MARCHF7: variants seen among roughly 807,000 people sequenced by gnomAD.
MARCHF7 encodes the protein membrane associated ring-CH-type finger 7, also known as E3 ubiquitin-protein ligase MARCHF7.
Under a neutral mutation model 76.5 loss-of-function variants are expected in MARCHF7, and 20 were observed. The ratio of observed to expected loss-of-function variants is 0.26; its 90% CI spans 0.18 to 0.38. MARCHF7 has a LOEUF of 0.38. Among genes scored for constraint, MARCHF7 ranks in the 10% least tolerant of loss-of-function variants. MARCHF7 has a pLI of 1.00. For missense variants in MARCHF7, 797 were observed against 812.9 expected, an observed-to-expected ratio of 0.98 and a Z score of 0.24; for synonymous variants, 295 against 293.0, an observed-to-expected ratio of 1.01 and a Z score of -0.07.
intron 3 of MARCHF7, among the ~76,000 whole-genome samples, chr2:159,724,481 T>C (rs1178448778): frequency 1.3e-5 from 2 of 152,248 alleles, no homozygotes; most frequent in Non-Finnish European, 2.9e-5. Context: ...AGTCAAATTA[T>C]AACTCTCTAG....
In MARCHF7 at chr2:159,767,474, C is replaced by T. The variant is rs1707938053; in HGVS notation, c.*132C>T. The T allele has an allele frequency of 1.7e-6, 1 of 580,592 alleles. No individual in the cohort carries two copies. The highest frequency in any genetic ancestry group is 2.3e-5 in the South Asian group (1 of 43,584). The allele number at this position is 580,592 out of a possible 1,614,324, so 36.0% of individuals were successfully genotyped here. On this transcript the variant is annotated 3_prime_UTR_variant, in exon 12 of 12. Coordinates refer to ENST00000409175, the MANE Select transcript of MARCHF7 (RefSeq NM_001282805.2). ...TATATAAAATGAATATATACATACA[C>T]ATGTATGCCTGTATATATATATTCA...
chr2:159,722,833 A>G (rs796760201), intron 3 of MARCHF7, among the ~76,000 whole-genome samples: 18 of 152,344 alleles, frequency 1.2e-4, no homozygotes, highest in African/African-American at 4.3e-4. Context: ...AGTTCCATAC[A>G]ATATCAAATT....
intron 4 of MARCHF7, chr2:159,733,586 TCA>T: frequency 1.0e-6 from 1 of 983,620 alleles, no homozygotes; most frequent in Non-Finnish European, 1.2e-6. Context: ...GCTTTTTAAC[TCA>T]CAACTCTTGG....
intron 6 of MARCHF7, among the ~76,000 whole-genome samples, chr2:159,747,122 T>A (rs1167847973): frequency 6.6e-6 from 1 of 152,208 alleles, no homozygotes. Flanking sequence ...ATTTGAAGAT[T>A]TAAACCACCA....
At position 159,748,282 on chromosome 2, in the gene MARCHF7, C is replaced by T. The variant is rs755175116; in HGVS notation, c.992C>T (p.Pro331Leu). The T allele has an allele frequency of 3.7e-6, 6 of 1,613,218 alleles. No homozygotes were observed. In the Admixed American group the frequency reaches 8.3e-5, roughly 22 times the overall value. ...LTASQSRSNV[P>L]SASEVPDNRA... ...GCTTCACAGTCCCGTAGTAATGTAC[C>T]ATCAGCTTCTGAAGTTCCCGATAAT... Residue 331 changes from proline to leucine, a missense_variant, in exon 7 of 12, where the codon CCA becomes CTA. Physicochemically the swap from Pro to Leu is moderately conservative, Grantham distance 98. Transcript: ENST00000409175.
chr2:159,746,842 T>C (rs1704957388), intron 6 of MARCHF7, among the ~76,000 whole-genome samples: 2 of 152,226 alleles, frequency 1.3e-5, no homozygotes, highest in Non-Finnish European at 2.9e-5. Flanking sequence ...TTTTAAAGGT[T>C]TAGGTTATTT....
intron 8 of MARCHF7, among the ~76,000 whole-genome samples, 196 bp from the exon 9 acceptor site, chr2:159,759,030 G>A (rs954254886): frequency 2.0e-5 from 3 of 152,128 alleles, no homozygotes; most frequent in African/African-American, 7.2e-5. Flanking sequence ...TCATAGGGCA[G>A]GACCTGATGT....
chr2:159,733,104 T>G (rs1703019867), intron 4 of MARCHF7: 1 of 656,212 alleles, frequency 1.5e-6, no homozygotes, highest in Non-Finnish European at 1.9e-6. Flanking sequence ...GTTACCATTA[T>G]TATTTCCTGG....
At chr2:159,765,409 A>T (rs1454251892) in intron 11 of MARCHF7, among the ~76,000 whole-genome samples, 2 of 152,092 alleles carry the variant, frequency 1.3e-5, no homozygotes, top group African/African-American at 4.8e-5. Context: ...TGTGCTTCAT[A>T]CCATGTGGGC....
intron 10 of MARCHF7, 93 bp from the exon 11 acceptor site, chr2:159,764,533 T>C: frequency 1.0e-6 from 1 of 979,836 alleles, no homozygotes; most frequent in Non-Finnish European, 1.5e-6. Context: ...GATGTTTGAC[T>C]TTTTAAGTAG....
intron 3 of MARCHF7, 100 bp downstream of exon 3, chr2:159,715,866 C>G (rs937683122): frequency 1.3e-5 from 2 of 152,178 alleles, no homozygotes; most frequent in African/African-American, 4.8e-5. Flanking sequence ...AAGTAGTTAT[C>G]TTTCCATTAT....
In MARCHF7 at chr2:159,768,086, G is replaced by A. The variant is rs960055493; in HGVS notation, c.*744G>A. 1.3e-5 allele frequency: 2 copies of A among 152,450 alleles called. No homozygotes were observed. The highest frequency in any genetic ancestry group is 2.4e-5 in the African/African-American group (1 of 41,414). The allele number at this position is 152,450 out of a possible 1,614,324, so 9.4% of individuals were successfully genotyped here. ...ATTATATGAGACTTGCCAGTCAAAT[G>A]CTATTTGGTTTAAAAAAATTATTGC... On this transcript the variant is annotated 3_prime_UTR_variant, in exon 12 of 12. Transcript: ENST00000409175.
At chr2:159,766,359 AGTGTT>A (rs2125764123) in intron 11 of MARCHF7, among the ~76,000 whole-genome samples, 1 of 152,288 alleles carries the variant, frequency 6.6e-6, no homozygotes, top group East Asian at 1.9e-4. Flanking sequence ...TAAATCTATT[AGTGTT>A]GCATAGTTTT....
chr2:159,724,798 C>G (rs940237049), intron 3 of MARCHF7, among the ~76,000 whole-genome samples: 1 of 152,118 alleles, frequency 6.6e-6, no homozygotes, highest in African/African-American at 2.4e-5. Context: ...TCGTCATTTG[C>G]AATAGATATT....
In MARCHF7 at chr2:159,762,956, T is replaced by C. The variant is rs1707293206; in HGVS notation, c.1970T>C (p.Met657Thr). ...TTGTGCGAACAAAGCTTTTCTGATA[T>C]GATGGGAAATACAAATGAACCAAGC... Reference protein sequence around the residue: ...LHLCEQSFSDMMGNTNEPSTR... With the variant: ...LHLCEQSFSDTMGNTNEPSTR... The change falls in exon 10 of 12, where the codon ATG becomes ACG. Residue 657 changes from methionine to threonine, a missense_variant. Physicochemically the swap from Met to Thr is moderately conservative, Grantham distance 81. This residue lies in a region of MARCHF7 where 124 missense variants were observed against 121.3 expected (regional missense o/e 1.02). Coordinates refer to ENST00000409175, the MANE Select transcript of MARCHF7 (RefSeq NM_001282805.2). 3 of 1,612,916 alleles carry C rather than the reference T, an allele frequency of 1.9e-6. No homozygotes were observed. The highest frequency in any genetic ancestry group is 1.7e-6 in the Non-Finnish European group (2 of 1,179,602).
At position 159,767,355 on chromosome 2, in the gene MARCHF7, CAGAT is replaced by C. The variant is rs751642778; in HGVS notation, c.*14_*17del. 2.2e-5 allele frequency: 35 copies of C among 1,589,646 alleles called. No individual in the cohort carries two copies. Among genetic ancestry groups the C allele is most frequent in the Admixed American group, 8.4e-5 (5 of 59,570 alleles). On this transcript the variant is annotated 3_prime_UTR_variant, in exon 12 of 12. Transcript: ENST00000409175. ...TGATATTGCCTAACTTCATATAAGACAGATGGATGATCTGTGAACATAAGTGTTT... is the reference window on the plus strand; with the variant it reads ...TGATATTGCCTAACTTCATATAAGACGGATGATCTGTGAACATAAGTGTTT...
intron 3 of MARCHF7, among the ~76,000 whole-genome samples, chr2:159,727,762 A>C (rs7563417): frequency 0.27 from 41,454 of 152,168 alleles, 6,627 homozygotes; most frequent in South Asian, 0.44. Context: ...GCATGCAACA[A>C]CACAGATGAA....
At chr2:159,764,255 T>TGTGTGTGTGTGTGTGTGTGCGCGC (rs10592175) in intron 10 of MARCHF7, among the ~76,000 whole-genome samples, 21 of 131,478 alleles carry the variant, frequency 1.6e-4, no homozygotes, top group Admixed American at 6.8e-4. Flanking sequence ...TGTGTGTGTG[T>TGTGTGTGTGTGTGTGTGTGCGCGC]GCGCGCGCCC....
At chr2:159,744,323 A>G (rs892633239) in intron 5 of MARCHF7, among the ~76,000 whole-genome samples, 10 of 152,192 alleles carry the variant, frequency 6.6e-5, no homozygotes, top group Admixed American at 2.0e-4. Flanking sequence ...AGAAAGTCAT[A>G]GTTTTAGTCC....
Sources: allele counts gnomAD v4.1 joint callset (sites outside exome capture counted in the v4.1 genomes callset), GRCh38; gene constraint gnomAD v4.1.1; regional missense constraint gnomAD v4.1.1; transcripts MANE v1.5; gene names NCBI Gene and HGNC (gene_info 2026-07-23, HGNC 2026-07-21).